Variants in KIF26B observed in about 807,000 individuals in gnomAD.
KIF26B encodes the protein kinesin-like protein KIF26B.
Under a neutral mutation model 151.2 loss-of-function variants are expected in KIF26B, and 63 were observed. The ratio of observed to expected loss-of-function variants is 0.42; its 90% CI spans 0.34 to 0.51. KIF26B has a LOEUF of 0.51. KIF26B is among the 20% of genes least tolerant of loss of function. The pLI is 0.07. For missense variants in KIF26B, 2,813 were observed against 2,913.6 expected (o/e 0.97, Z 0.79); for synonymous variants, 1,357 against 1,262.1 (o/e 1.08, Z -1.59).
chr1:245,228,752 T>C (rs1669929031), intron 2 of KIF26B, among the ~76,000 whole-genome samples: 1 of 152,136 alleles, frequency 6.6e-6, no homozygotes, highest in Non-Finnish European at 1.5e-5. Context: ...AATGTTACCC[T>C]CATTTTGCAG....
At chr1:245,351,157 C>G (rs867917598) in intron 2 of KIF26B, among the ~76,000 whole-genome samples, 1 of 152,312 alleles carries the variant, frequency 6.6e-6, no homozygotes, top group South Asian at 2.1e-4. Flanking sequence ...TTTCCCTGTC[C>G]GCATGGAGGG....
chr1:245,641,037 G>C (rs377763626), intron 9 of KIF26B, among the ~76,000 whole-genome samples: 1 of 152,190 alleles, frequency 6.6e-6, no homozygotes. Flanking sequence ...AGGTCTGGTA[G>C]TGATACGTTT....
At chr1:245,186,247 C>T (rs1668999279) in intron 2 of KIF26B, among the ~76,000 whole-genome samples, 2 of 152,074 alleles carry the variant, frequency 1.3e-5, no homozygotes, top group Admixed American at 1.3e-4. Flanking sequence ...ACAGAATGCC[C>T]CCTTCGATGA....
intron 2 of KIF26B, among the ~76,000 whole-genome samples, chr1:245,359,035 T>C (rs1672758247): frequency 6.6e-6 from 1 of 152,008 alleles, no homozygotes; most frequent in Admixed American, 6.6e-5. Context: ...TTTTTTTTTC[T>C]TGAGATGGAG....
rs1452376914 is a variant in KIF26B at position 245,489,461 on chromosome 1, C to T, written c.1167-51306C>T. Among the ~76,000 whole-genome samples the T allele has an allele frequency of 2.6e-5, 4 of 152,222 alleles. No homozygotes were observed. The East Asian group carries it at 7.7e-4, about 29-fold the overall frequency. On this transcript the variant is annotated intron_variant, in intron 4 of 14. Coordinates refer to ENST00000407071, the MANE Select transcript of KIF26B (RefSeq NM_018012.4). ...GTACAAGTCTAAGAGGCGTCAGCCACACAAGAGGCTAAAGTGACTTTGGGG... is the reference window on the plus strand; with the variant it reads ...GTACAAGTCTAAGAGGCGTCAGCCATACAAGAGGCTAAAGTGACTTTGGGG...
Position 245,170,403 on chromosome 1 carries a change from G to A in KIF26B, c.465+13720G>A, listed in dbSNP as rs1246446302. Among the ~76,000 whole-genome samples the A allele has an allele frequency of 6.6e-6, 1 of 152,142 alleles. No homozygotes were observed. The highest frequency in any genetic ancestry group is 1.5e-5 in the Non-Finnish European group (1 of 68,020). The stretch of plus-strand genomic sequence containing the variant: ...TACCCTTGCAGAATAAAGACATGTG[G>A]GAATGCTCACTGGATGCTTACAATT... On this transcript the variant is annotated intron_variant, in intron 2 of 14. Coordinates refer to ENST00000407071, the MANE Select transcript of KIF26B (RefSeq NM_018012.4). This position sits in a 1 kb window ranked among gnomAD's most constrained non-coding sequence, Gnocchi z 4.4.
chr1:245,285,912 T>C (rs1421427552), intron 2 of KIF26B, among the ~76,000 whole-genome samples: 2 of 150,408 alleles, frequency 1.3e-5, no homozygotes, highest in Admixed American at 6.6e-5. Flanking sequence ...GGTGGGAGGA[T>C]TCCTTGAGTC....
Position 245,419,582 on chromosome 1 carries a change from T to A in KIF26B, c.1003T>A (p.Ser335Thr). Residue 335 changes from serine (S) to threonine (T), a missense_variant, in exon 4 of 15, where the codon TCC (serine) becomes ACC (threonine). Ser to Thr is a moderately conservative substitution (Grantham distance 58, BLOSUM62 1). Around this residue, in one of 3 missense-constraint regions of KIF26B, gnomAD observed 676 missense variants for 688.1 expected, o/e 0.98. Transcript: ENST00000407071. Reference protein sequence around the residue: ...NGVTLYPYQISQLMTESSREG... With the variant: ...NGVTLYPYQITQLMTESSREG... ...CCGTATCCATTTTCTTTGTCAGATC[T>A]CCCAGCTGATGACAGAGAGTAGCCG... 3 of 1,608,160 alleles carry A rather than the reference T, an allele frequency of 1.9e-6. No homozygotes were observed. Among genetic ancestry groups the A allele is most frequent in the Non-Finnish European group, 2.5e-6 (3 of 1,176,848 alleles).
chr1:245,301,531 C>G (rs1558380882), intron 2 of KIF26B, among the ~76,000 whole-genome samples: 1 of 152,264 alleles, frequency 6.6e-6, no homozygotes, highest in East Asian at 1.9e-4. Flanking sequence ...CTTAGTGGTA[C>G]TCTGGGGGTT....
At chr1:245,700,708 C>A (rs1459273458) in intron 14 of KIF26B, among the ~76,000 whole-genome samples, 2 of 152,186 alleles carry the variant, frequency 1.3e-5, no homozygotes, top group African/African-American at 4.8e-5. Flanking sequence ...GGAGTTGGAT[C>A]TTCTGTTAGA....
At chr1:245,635,124 A>T (rs2043821463) in intron 9 of KIF26B, among the ~76,000 whole-genome samples, 2 of 139,034 alleles carry the variant, frequency 1.4e-5, no homozygotes. Context: ...CAAACAACAT[A>T]CTTGTTTGCT....
intron 10 of KIF26B, among the ~76,000 whole-genome samples, chr1:245,658,563 T>A (rs112068293): frequency 7.9e-5 from 12 of 152,166 alleles, no homozygotes; most frequent in African/African-American, 2.9e-4. Flanking sequence ...GCTAATAGTT[T>A]ATATTTTTTG....
chr1:245,235,038 C>A (rs965815587), intron 2 of KIF26B, among the ~76,000 whole-genome samples: 1 of 152,182 alleles, frequency 6.6e-6, no homozygotes, highest in African/African-American at 2.4e-5. Context: ...AGAGTGTCAA[C>A]TGACACTGTC....
At chr1:245,426,075 T>A (rs1768095) in intron 4 of KIF26B, among the ~76,000 whole-genome samples, 18,962 of 152,226 alleles carry the variant, frequency 0.12, 1,518 homozygotes, top group African/African-American at 0.22. Context: ...TTCTGTTATC[T>A]CAGGTTCTGA....
At chr1:245,210,508 CTTTT>C (rs35803033) in intron 2 of KIF26B, among the ~76,000 whole-genome samples, 1 of 129,764 alleles carries the variant, frequency 7.7e-6, no homozygotes, top group South Asian at 2.6e-4. Context: ...ATATCCTAAG[CTTTT>C]TTTTTTTTTT....
chr1:245,390,723 A>T (rs819879), intron 3 of KIF26B, among the ~76,000 whole-genome samples: 63,119 of 151,496 alleles, frequency 0.42, 15,218 homozygotes, highest in South Asian at 0.63. Flanking sequence ...ACATTTTCTC[A>T]AAAGGAATGA....
rs527281880 is a variant in KIF26B at position 245,171,219 on chromosome 1, C to G, written c.465+14536C>G. Among the ~76,000 whole-genome samples, 5 of 152,304 alleles carry G rather than the reference C, an allele frequency of 3.3e-5. No homozygotes were observed. The East Asian group carries it at 7.7e-4, about 23-fold the overall frequency. On this transcript the variant is annotated intron_variant, in intron 2 of 14. Coordinates refer to ENST00000407071, the MANE Select transcript of KIF26B (RefSeq NM_018012.4). ...ACCTCTTCAGCACATTATATCTCTTCAGCACATCGTTTAAGAGCATCGTCT... is the reference window on the plus strand; with the variant it reads ...ACCTCTTCAGCACATTATATCTCTTGAGCACATCGTTTAAGAGCATCGTCT...
At chr1:245,607,396 C>T (rs371466216) in intron 6 of KIF26B, among the ~76,000 whole-genome samples, 4 of 152,310 alleles carry the variant, frequency 2.6e-5, no homozygotes, top group African/African-American at 7.2e-5. Flanking sequence ...GCTCTACAGA[C>T]GCATTCGCTG....
intron 5 of KIF26B, among the ~76,000 whole-genome samples, chr1:245,591,079 A>G (rs1448213289): frequency 1.3e-5 from 2 of 152,164 alleles, no homozygotes; most frequent in Non-Finnish European, 2.9e-5. Flanking sequence ...CTCTTACAAC[A>G]CTGTCATGGA....
Sources: gnomAD v4.1 joint callset for allele counts (sites outside exome capture counted in the v4.1 genomes callset) on GRCh38, gnomAD v4.1.1 for gene constraint, gnomAD v4.1.1 regional missense constraint, Gnocchi (gnomAD v3.1) non-coding constraint, MANE v1.5 for transcripts, NCBI Gene and HGNC (gene_info 2026-07-23, HGNC 2026-07-21) for gene names.